Variants in TENM2 observed in about 807,000 individuals in gnomAD.
The protein encoded by TENM2 is teneurin-2.
A neutral mutation model predicts 245.2 loss-of-function variants in TENM2; 52 were observed. That is an observed-to-expected ratio of 0.21 (90% confidence interval 0.17 to 0.27). The LOEUF (loss-of-function observed/expected upper bound fraction) is 0.27. Ranked by LOEUF, TENM2 falls within the 10% of genes least tolerant of loss-of-function variation. TENM2 has a pLI of 1.00. For synonymous variants in TENM2, 1,363 were observed against 1,438.9 expected, an observed-to-expected ratio of 0.95 and a Z score of 1.19; for missense variants, 3,046 against 3,666.8, an observed-to-expected ratio of 0.83 and a Z score of 4.37.
At chr5:167,406,616 A>T (rs532934051) in intron 2 of TENM2, among the ~76,000 whole-genome samples, 126 of 152,268 alleles carry the variant, frequency 8.3e-4, no homozygotes, top group African/African-American at 2.9e-3. Context: ...TTTTCCTCAC[A>T]GAACTCTGTG....
intron 2 of TENM2, among the ~76,000 whole-genome samples, chr5:167,633,325 A>G (rs1310975451): frequency 6.6e-6 from 1 of 152,260 alleles, no homozygotes; most frequent in Admixed American, 6.5e-5. Flanking sequence ...ACTTGTCAAC[A>G]CTTGCAAGTT....
At chr5:167,543,844 T>C (rs964039905) in intron 2 of TENM2, among the ~76,000 whole-genome samples, 1 of 152,216 alleles carries the variant, frequency 6.6e-6, no homozygotes, top group Non-Finnish European at 1.5e-5. Context: ...TCCCCTTGTG[T>C]ATCTCTGTGT....
intron 2 of TENM2, among the ~76,000 whole-genome samples, chr5:167,445,367 A>AGT (rs1554154242): frequency 0.082 from 7,967 of 97,708 alleles, 302 homozygotes; most frequent in Middle Eastern, 0.14. Context: ...AGAGAGAGAG[A>AGT]GAGTGTCAGG....
Position 167,637,543 on chromosome 5 carries a change from T to G in TENM2, c.503-238443T>G, listed in dbSNP as rs564609013. Among the ~76,000 whole-genome samples, 8 of 152,318 alleles carry G rather than the reference T, an allele frequency of 5.3e-5. 1 individual carries two copies. Among genetic ancestry groups the G allele is most frequent in the African/African-American group, 1.9e-4 (8 of 41,576 alleles). Reference sequence around the variant, plus strand: ...CACATATGTTTATTGCAGCACAATTTGCAATAGCAAAGACTTGGAACCAAC... The same window carrying G: ...CACATATGTTTATTGCAGCACAATTGGCAATAGCAAAGACTTGGAACCAAC... On this transcript the variant is annotated intron_variant, in intron 2 of 28. Coordinates refer to ENST00000518659, the Ensembl canonical transcript of TENM2.
the TENM2 span, among the ~76,000 whole-genome samples, chr5:167,084,327 T>TTTTATATATATATATATA: frequency 6.9e-4 from 16 of 23,180 alleles, 1 homozygote; most frequent in Non-Finnish European, 1.5e-3. Context: ...GCCATTTTAG[T>TTTTATATATATATATATA]TATATATATA....
At chr5:167,783,583 C>G (rs935704819) in intron 2 of TENM2, among the ~76,000 whole-genome samples, 1 of 152,212 alleles carries the variant, frequency 6.6e-6, no homozygotes, top group African/African-American at 2.4e-5. Context: ...TCTTCAGCTC[C>G]GCGGATGCCA....
At chr5:167,442,398 T>C (rs771217193) in intron 2 of TENM2, among the ~76,000 whole-genome samples, 2 of 152,198 alleles carry the variant, frequency 1.3e-5, no homozygotes, top group South Asian at 2.1e-4. Context: ...TCTAAACCCA[T>C]AACTAGAAAT....
Position 168,247,146 on chromosome 5 carries a change from C to G in TENM2, c.6207C>G (p.Gly2069=). 1 of 1,613,834 alleles carries G rather than the reference C, an allele frequency of 6.2e-7. No individual in the cohort carries two copies. The highest frequency in any genetic ancestry group is 1.1e-5 in the South Asian group (1 of 91,066). ...GCACCATCAGGTACCGGAAGATTGG[C>G]CCCCTGGTGGACAAGCAGATCTACA... Residue 2069 remains glycine (G), a synonymous_variant, in exon 27 of 29, where the codon GGC becomes GGG. Transcript: ENST00000518659. The surrounding 1 kb of genome is among the most constrained non-coding windows in gnomAD (Gnocchi z 7.8).
chr5:167,601,526 A>G (rs922795327), intron 2 of TENM2, among the ~76,000 whole-genome samples: 18 of 152,214 alleles, frequency 1.2e-4, no homozygotes, highest in Non-Finnish European at 2.4e-4. Context: ...TTTAACATTT[A>G]CTCCGTGAGC....
At chr5:167,711,477 G>A (rs370099000) in intron 2 of TENM2, among the ~76,000 whole-genome samples, 1 of 152,024 alleles carries the variant, frequency 6.6e-6, no homozygotes, top group East Asian at 1.9e-4. Context: ...CATCCTTTTC[G>A]GCCTGGACCC....
intron 7 of TENM2, among the ~76,000 whole-genome samples, chr5:168,071,491 A>T (rs2152124809): frequency 6.6e-6 from 1 of 152,316 alleles, no homozygotes; most frequent in East Asian, 1.9e-4. Flanking sequence ...TAAACACAGG[A>T]TCATACCACA....
intron 2 of TENM2, among the ~76,000 whole-genome samples, chr5:167,721,574 A>C (rs2150520085): frequency 6.6e-6 from 1 of 152,300 alleles, no homozygotes; most frequent in South Asian, 2.1e-4. Flanking sequence ...CAAAGCCAGA[A>C]GTGTAGCCTC....
intron 2 of TENM2, among the ~76,000 whole-genome samples, chr5:167,607,881 A>G (rs1020743162): frequency 6.6e-6 from 1 of 151,798 alleles, no homozygotes; most frequent in Non-Finnish European, 1.5e-5. Flanking sequence ...TAGCTAACCC[A>G]CCCGCCCCTA....
At chr5:167,862,842 C>A (rs1173515292) in intron 2 of TENM2, among the ~76,000 whole-genome samples, 1 of 152,204 alleles carries the variant, frequency 6.6e-6, no homozygotes, top group African/African-American at 2.4e-5. Flanking sequence ...TTGTTGATCT[C>A]CATACTTGTC....
chr5:167,911,309 G>T (rs968223716), intron 3 of TENM2, among the ~76,000 whole-genome samples: 1 of 152,164 alleles, frequency 6.6e-6, no homozygotes. Context: ...GACGGATCAT[G>T]AGGTCAGGAG....
At chr5:167,109,080 G>C in the TENM2 span, among the ~76,000 whole-genome samples, 1 of 152,068 alleles carries the variant, frequency 6.6e-6, no homozygotes, top group African/African-American at 2.4e-5. Context: ...ATAATTGAGA[G>C]GAAAAACTGG....
rs78209389 is a variant in TENM2, at chr5:168,164,009, A to T, written c.2569+1252A>T. Among the ~76,000 whole-genome samples, 14 of 152,264 alleles carry T rather than the reference A, an allele frequency of 9.2e-5. No individual in the cohort carries two copies. The East Asian group carries it at 2.7e-3, about 29-fold the overall frequency. ...TGTTTAATCCTAAATGGGTCCTGGT[A>T]TGAGGAGCATGAGAATTTCTTCATT... On this transcript the variant is annotated intron_variant, in intron 13 of 28. Coordinates refer to ENST00000518659, the Ensembl canonical transcript of TENM2.
intron 2 of TENM2, among the ~76,000 whole-genome samples, chr5:167,619,152 G>A (rs542260036): frequency 6.6e-6 from 1 of 151,986 alleles, no homozygotes; most frequent in South Asian, 2.1e-4. Flanking sequence ...CTTGGTTTTT[G>A]TTTTGGTTTT....
chr5:168,223,031 G>A (rs972738803), intron 23 of TENM2, among the ~76,000 whole-genome samples: 2 of 152,174 alleles, frequency 1.3e-5, no homozygotes, highest in African/African-American at 4.8e-5. Context: ...AACTTACAGC[G>A]CTTCACTCCT....
Sources: gnomAD v4.1 joint callset for allele counts (sites outside exome capture counted in the v4.1 genomes callset) on GRCh38, gnomAD v4.1.1 for gene constraint, Gnocchi (gnomAD v3.1) non-coding constraint, MANE v1.5 for transcripts, NCBI Gene and HGNC (gene_info 2026-07-23, HGNC 2026-07-21) for gene names.